ZNF354A: variants seen among roughly 807,000 people sequenced by gnomAD.
ZNF354A encodes zinc finger protein 354A.
ZNF354A carries 25 observed loss-of-function variants against 53.3 expected under a neutral mutation model. The observed-to-expected ratio is 0.47, with a 90% CI of 0.34 to 0.66. ZNF354A has a LOEUF of 0.66. Ranked by LOEUF, ZNF354A falls within the 30% of genes least tolerant of loss-of-function variation. The pLI is 0.01. For missense variants in ZNF354A, 586 were observed against 716.8 expected, an observed-to-expected ratio of 0.82 and a Z score of 2.08; for synonymous variants, 228 against 249.0, an observed-to-expected ratio of 0.92 and a Z score of 0.79.
rs1327312091 is a variant in ZNF354A, at chr5:178,730,640, G to T, written c.-136C>A. On this transcript the variant is annotated 5_prime_UTR_variant, in exon 1 of 5. Transcript: ENST00000335815. ...GGCCGGGATGCAGCCTCGCGACCCGGCTCCGCCCCGACGGCGTCTGGGCGA... is the reference window on the plus strand; with the variant it reads ...GGCCGGGATGCAGCCTCGCGACCCGTCTCCGCCCCGACGGCGTCTGGGCGA... 1 of 151,918 alleles carries T rather than the reference G, an allele frequency of 6.6e-6. No homozygotes were observed. Among genetic ancestry groups the T allele is most frequent in the Non-Finnish European group, 1.5e-5 (1 of 67,958 alleles). The allele number at this position is 151,918 out of a possible 1,614,324, so 9.4% of individuals were successfully genotyped here.
chr5:178,715,687 A>G (rs1765697727), intron 4 of ZNF354A, among the ~76,000 whole-genome samples: 1 of 152,206 alleles, frequency 6.6e-6, no homozygotes, highest in South Asian at 2.1e-4. Context: ...AGATTCTGCA[A>G]CTTGGATTCT....
chr5:178,719,826 A>G (rs866055638), intron 4 of ZNF354A, among the ~76,000 whole-genome samples: 7 of 151,724 alleles, frequency 4.6e-5, no homozygotes, highest in South Asian at 2.1e-4. Context: ...GGGCGCCTGT[A>G]GTCCCAGCTA....
rs758960252 is a variant in ZNF354A, at chr5:178,727,123, C to T, written c.36G>A (p.Val12=). ...CAGCCACATCCTCAAACGTCAGTGA[C>T]ACCTGTAAGGACAAGTCGTTCCAGC... ...AAGQREARPQ[V]SLTFEDVAVL... is the part of the protein sequence containing the mutation. The change falls in exon 3 of 5, where the codon GTG becomes GTA. Residue 12 remains valine, a splice_region_variant and synonymous_variant. Coordinates refer to ENST00000335815, the MANE Select transcript of ZNF354A (RefSeq NM_005649.3). 6.2e-7 allele frequency: 1 copy of T among 1,613,088 alleles called. No individual in the cohort carries two copies. The highest frequency in any genetic ancestry group is 8.5e-7 in the Non-Finnish European group (1 of 1,179,518).
In ZNF354A at chr5:178,713,563, C is replaced by T. The variant is rs1205548094; in HGVS notation, c.315G>A (p.Gln105=). The T allele has an allele frequency of 1.2e-6, 2 of 1,604,900 alleles. No homozygotes were observed. The highest frequency in any genetic ancestry group is 1.7e-6 in the Non-Finnish European group (2 of 1,178,244). The change falls in exon 5 of 5, where the codon CAG becomes CAA. Residue 105 remains glutamine, a synonymous_variant. Coordinates refer to ENST00000335815, the MANE Select transcript of ZNF354A (RefSeq NM_005649.3). ...KSTQTQDSSF[Q]GLILKRSNRN... Reference sequence around the variant, plus strand: ...TGTTGGATCTTTTCAGTATCAGTCCCTGAAATGAAGAGTCTTGTGTTTGCG... The same window carrying T: ...TGTTGGATCTTTTCAGTATCAGTCCTTGAAATGAAGAGTCTTGTGTTTGCG...
chr5:178,722,485 G>A (rs1049436594), intron 4 of ZNF354A, among the ~76,000 whole-genome samples: 3 of 152,118 alleles, frequency 2.0e-5, no homozygotes, highest in African/African-American at 7.2e-5. Flanking sequence ...AACCAAGCAA[G>A]CATCCCTGAC....
At chr5:178,720,866 T>TG (rs1195005177) in intron 4 of ZNF354A, among the ~76,000 whole-genome samples, 4 of 78,616 alleles carry the variant, frequency 5.1e-5, no homozygotes, top group Non-Finnish European at 1.4e-4. Flanking sequence ...CTAGAATACC[T>TG]ACACTAATAA....
chr5:178,725,425 T>C lies in ZNF354A; in HGVS notation c.207A>G (p.Gly69=). Reference sequence around the variant, plus strand: ...CTTTCTCCACCTCCCAGGGATCTTCTCCTTGCTGCAACAGGGAGATCACTT... The same window carrying C: ...CTTTCTCCACCTCCCAGGGATCTTCCCCTTGCTGCAACAGGGAGATCACTT... The part of the protein sequence containing the change: ...KPKVISLLQQ[G]EDPWEVEKDG... The change falls in exon 4 of 5, where the codon GGA becomes GGG. Residue 69 remains glycine (G), a synonymous_variant. Transcript: ENST00000335815. The C allele has an allele frequency of 6.2e-7, 1 of 1,614,214 alleles. No individual in the cohort carries two copies.
chr5:178,729,872 G>GCTTATTTTTTTTTT (rs746292908), intron 1 of ZNF354A, among the ~76,000 whole-genome samples: 2 of 143,424 alleles, frequency 1.4e-5, no homozygotes. Flanking sequence ...CTAACACGAT[G>GCTTATTTTTTTTTT]TTTCTTTTTT....
At chr5:178,725,519 G>C (rs373325200) in intron 3 of ZNF354A, 48 bp from the exon 4 acceptor site, 20 of 1,574,680 alleles carry the variant, frequency 1.3e-5, no homozygotes, top group Non-Finnish European at 1.7e-5. Context: ...ACTTGGTTTT[G>C]TATTGATACA....
At chr5:178,713,701 T>TA in intron 4 of ZNF354A, 80 bp from the exon 5 acceptor site, 3 of 1,452,836 alleles carry the variant, frequency 2.1e-6, no homozygotes, top group Non-Finnish European at 2.7e-6. Context: ...GTAGAAGGAA[T>TA]AAATATTGGT....
chr5:178,715,195 G>GT (rs1442769485), intron 4 of ZNF354A, among the ~76,000 whole-genome samples: 1 of 152,222 alleles, frequency 6.6e-6, no homozygotes, highest in Non-Finnish European at 1.5e-5. Context: ...TGGGGTAGAG[G>GT]TAACTGTTTA....
intron 4 of ZNF354A, among the ~76,000 whole-genome samples, chr5:178,721,494 A>G (rs1765812267): frequency 1.3e-5 from 2 of 151,262 alleles, no homozygotes; most frequent in Non-Finnish European, 3.0e-5. Flanking sequence ...AAGTAAATAC[A>G]CACACACTTT....
rs953360886 is a variant in ZNF354A, at chr5:178,711,801, A to G, written c.*259T>C. 2 of 351,472 alleles carry G rather than the reference A, an allele frequency of 5.7e-6. No homozygotes were observed. The highest frequency in any genetic ancestry group is 8.8e-5 in the Admixed American group (2 of 22,694). The allele number at this position is 351,472 out of a possible 1,614,324, so 21.8% of individuals were successfully genotyped here. A position where few individuals can be genotyped will look rare whatever the true frequency, so the allele number is the denominator to read the frequency against. On this transcript the variant is annotated 3_prime_UTR_variant, in exon 5 of 5. Coordinates refer to ENST00000335815, the MANE Select transcript of ZNF354A (RefSeq NM_005649.3). The stretch of plus-strand genomic sequence containing the variant: ...CGTCTGTAGGAAAAGGGAAAAAGCA[A>G]ACCCATTTCACAAATGGCTAAAGTC...
At position 178,729,882 on chromosome 5, in the gene ZNF354A, T is replaced by TTTTTTTTTTTTTTG. The variant is rs1233141218; in HGVS notation, c.-52+673_-52+674insCAAAAAAAAAAAAA. On this transcript the variant is annotated intron_variant, in intron 1 of 4. Transcript: ENST00000335815. The stretch of plus-strand genomic sequence containing the variant: ...CATTTCTAACACGATGTTTCTTTTT[T>TTTTTTTTTTTTTTG]GAGACGGAGTCTCGCTCTGTCGCTC... Among the ~76,000 whole-genome samples the TTTTTTTTTTTTTTG allele has an allele frequency of 2.7e-3, 397 of 147,546 alleles. 3 individuals carry two copies. The highest frequency in any genetic ancestry group is 9.4e-3 in the African/African-American group (374 of 39,938).
At chr5:178,713,766 T>C (rs939553853) in intron 4 of ZNF354A, 145 bp from the exon 5 acceptor site, 2 of 858,252 alleles carry the variant, frequency 2.3e-6, no homozygotes, top group South Asian at 2.3e-5. Flanking sequence ...AAAGAAAAAA[T>C]AGGACAGTTA....
chr5:178,717,774 A>T (rs1369745681), intron 4 of ZNF354A, among the ~76,000 whole-genome samples: 1 of 152,204 alleles, frequency 6.6e-6, no homozygotes, highest in African/African-American at 2.4e-5. Context: ...GAAGAATAAT[A>T]TCAGGAGAGT....
Position 178,712,860 on chromosome 5 carries a change from A to G in ZNF354A, c.1018T>C (p.Ser340Pro). 1.2e-6 allele frequency: 2 copies of G among 1,614,098 alleles called. No individual in the cohort carries two copies. Among genetic ancestry groups the G allele is most frequent in the East Asian group, 4.5e-5 (2 of 44,862 alleles). The change falls in exon 5 of 5, where the codon TCC (serine) becomes CCC (proline). Residue 340 changes from serine to proline, a missense_variant. Around this residue, in one of 2 missense-constraint regions of ZNF354A, gnomAD observed 573 missense variants for 680.1 expected, o/e 0.84. Coordinates refer to ENST00000335815, the MANE Select transcript of ZNF354A (RefSeq NM_005649.3). ...PGRKASSCST[S>P]LSGCQRIHSR... ...TGAATTCTTTGACATCCAGAAAGGG[A>G]TGTGCTGCAACTAGATGCCTTCCTA... is the stretch of plus-strand genomic sequence containing the variant.
intron 4 of ZNF354A, among the ~76,000 whole-genome samples, chr5:178,722,255 T>C (rs1049821984): frequency 6.6e-6 from 1 of 152,206 alleles, no homozygotes; most frequent in Non-Finnish European, 1.5e-5. Context: ...TCACCCTATA[T>C]TGATCAGGTT....
chr5:178,713,148 A>T lies in ZNF354A; in HGVS notation c.730T>A (p.Cys244Ser), dbSNP rs1765652662. The change falls in exon 5 of 5, where the codon TGT becomes AGT. Residue 244 changes from cysteine to serine, a missense_variant. Transcript: ENST00000335815. ...KNHSGEKLFKCKECSKAFSQS... is the reference protein window; with the variant it reads ...KNHSGEKLFKSKECSKAFSQS... ...CTAAAGGCTTTTGAACATTCTTTACACTTAAATAGTTTCTCTCCACTATGG... is the reference window on the plus strand; with the variant it reads ...CTAAAGGCTTTTGAACATTCTTTACTCTTAAATAGTTTCTCTCCACTATGG... 1 of 1,614,128 alleles carries T rather than the reference A, an allele frequency of 6.2e-7. No individual in the cohort carries two copies. The highest frequency in any genetic ancestry group is 8.5e-7 in the Non-Finnish European group (1 of 1,180,034).
Sources: gnomAD v4.1 joint callset for allele counts (sites outside exome capture counted in the v4.1 genomes callset) on GRCh38, gnomAD v4.1.1 for gene constraint, gnomAD v4.1.1 regional missense constraint, MANE v1.5 for transcripts, NCBI Gene and HGNC (gene_info 2026-07-23, HGNC 2026-07-21) for gene names.